Variants in CUX2 observed in about 807,000 individuals in gnomAD.
CUX2 encodes cut like homeobox 2, also known as homeobox protein cut-like 2.
Under a neutral mutation model 144.8 loss-of-function variants are expected in CUX2, and 40 were observed. The ratio of observed to expected loss-of-function variants is 0.28; its 90% CI spans 0.21 to 0.36. CUX2 has a LOEUF of 0.36. Ranked by LOEUF, CUX2 falls within the 10% of genes least tolerant of loss-of-function variation. The pLI is 1.00. For missense variants in CUX2, 1,615 were observed against 1,994.0 expected (o/e 0.81, Z 3.62); for synonymous variants, 827 against 875.6 (o/e 0.94, Z 0.98).
At position 111,347,880 on chromosome 12, in the gene CUX2, A is replaced by G; in HGVS notation, c.4016A>G (p.Asp1339Gly). The G allele has an allele frequency of 6.2e-7, 1 of 1,614,082 alleles. No homozygotes were observed. Among genetic ancestry groups the G allele is most frequent in the Non-Finnish European group, 8.5e-7 (1 of 1,180,008 alleles). The stretch of plus-strand genomic sequence containing the variant: ...GAGCATCCCGACCCTCCGGGTAATG[A>G]TGGACTCCCAAAAGTGGCTCCCGGG... ...KEEHPDPPGN[D>G]GLPKVAPGPL... The change falls in exon 22 of 22, where the codon GAT (aspartate) becomes GGT (glycine). Residue 1339 changes from aspartate (D) to glycine (G), a missense_variant. By Grantham distance (94) the Asp-to-Gly change is moderately conservative. Coordinates refer to ENST00000261726, the MANE Select transcript of CUX2 (RefSeq NM_015267.4).
At chr12:111,087,366 CAAAAAAA>C (rs1159500448) in intron 1 of CUX2, among the ~76,000 whole-genome samples, 32 of 45,042 alleles carry the variant, frequency 7.1e-4, no homozygotes, top group Non-Finnish European at 1.1e-3. Flanking sequence ...GACTCCATCT[CAAAAAAA>C]AAAAAAAAAA....
chr12:111,123,696 T>A (rs1874844835), intron 1 of CUX2, among the ~76,000 whole-genome samples: 1 of 151,764 alleles, frequency 6.6e-6, no homozygotes, highest in Non-Finnish European at 1.5e-5. Flanking sequence ...CCCCCACACC[T>A]AGCTAATTTT....
At chr12:111,042,905 G>A (rs1316761079) in intron 1 of CUX2, among the ~76,000 whole-genome samples, 2 of 151,838 alleles carry the variant, frequency 1.3e-5, no homozygotes, top group Non-Finnish European at 2.9e-5. Flanking sequence ...CAAAGTGCTG[G>A]GATTACAGGT....
At chr12:111,257,692 T>TCCCCTTCCTCCTC (rs1883909851) in intron 3 of CUX2, among the ~76,000 whole-genome samples, 1 of 113,078 alleles carries the variant, frequency 8.8e-6, no homozygotes, top group Admixed American at 9.6e-5. Flanking sequence ...CCCTCCTCCT[T>TCCCCTTCCTCCTC]CCCCTTCCTC....
chr12:111,097,729 G>C (rs1234808845), intron 1 of CUX2, among the ~76,000 whole-genome samples: 1 of 152,326 alleles, frequency 6.6e-6, no homozygotes, highest in South Asian at 2.1e-4. Context: ...TCAGGAGCCA[G>C]GGAGGATCCG....
At chr12:111,049,130 CATCT>C (rs552439067) in intron 1 of CUX2, among the ~76,000 whole-genome samples, 123 of 152,194 alleles carry the variant, frequency 8.1e-4, no homozygotes, top group African/African-American at 2.8e-3. Flanking sequence ...TGAATCCATC[CATCT>C]ATCCATCCAT....
rs748957015 is a variant in CUX2, at chr12:111,291,423, G to A, written c.307G>A (p.Val103Met). The A allele has an allele frequency of 8.1e-6, 13 of 1,609,450 alleles. No individual in the cohort carries two copies. The highest frequency in any genetic ancestry group is 1.7e-4 in the Middle Eastern group (1 of 5,726). The change falls in exon 5 of 22, where the codon GTG (valine) becomes ATG (methionine). Residue 103 changes from valine (V) to methionine (M), a missense_variant. Physicochemically the swap from Val to Met is conservative, Grantham distance 21 (BLOSUM62 1). Coordinates refer to ENST00000261726, the MANE Select transcript of CUX2 (RefSeq NM_015267.4). ...GTCTTTCTCTCCCTGCACAGACCCC[G>A]TGCCTGTGTTTGAGGCGGCACGCAG... Reference protein sequence around the residue: ...YKQLIEAPDPVPVFEAARSLD... With the variant: ...YKQLIEAPDPMPVFEAARSLD...
At chr12:111,132,641 AC>A (rs1875573890) in intron 1 of CUX2, among the ~76,000 whole-genome samples, 1 of 144,670 alleles carries the variant, frequency 6.9e-6, no homozygotes, top group African/African-American at 2.7e-5. Flanking sequence ...ATCTCAACTA[AC>A]CGCAACCTCT....
At chr12:111,152,023 A>G (rs1392568688) in intron 1 of CUX2, among the ~76,000 whole-genome samples, 1 of 152,126 alleles carries the variant, frequency 6.6e-6, no homozygotes, top group African/African-American at 2.4e-5. Context: ...GATGGCTCAC[A>G]CCTGTAACCC....
chr12:111,077,438 C>A lies in CUX2; in HGVS notation c.63+43198C>A, dbSNP rs555904471. On this transcript the variant is annotated intron_variant, in intron 1 of 21. Coordinates refer to ENST00000261726, the MANE Select transcript of CUX2 (RefSeq NM_015267.4). This position sits in a 1 kb window ranked among gnomAD's most constrained non-coding sequence, Gnocchi z 4.1. ...GACTTCTGCCCCCCTGGACTGATGG[C>A]CTAAATCCATCAGGCTCACCAGCCC... 9.2e-5 allele frequency among the ~76,000 whole-genome samples: 14 copies of A among 152,162 alleles called. No individual in the cohort carries two copies. Among genetic ancestry groups the A allele is most frequent in the Non-Finnish European group, 1.9e-4 (13 of 68,040 alleles).
intron 1 of CUX2, among the ~76,000 whole-genome samples, chr12:111,130,886 T>A (rs777259001): frequency 1.3e-5 from 2 of 152,254 alleles, no homozygotes; most frequent in African/African-American, 4.8e-5. Flanking sequence ...AATCTCTGCT[T>A]AGTATGCCTA....
intron 3 of CUX2, among the ~76,000 whole-genome samples, chr12:111,253,424 C>T (rs1488348920): frequency 3.3e-5 from 5 of 152,144 alleles, no homozygotes; most frequent in African/African-American, 1.2e-4. Flanking sequence ...TTGCACCTGC[C>T]GTTCTCGCTG....
intron 4 of CUX2, among the ~76,000 whole-genome samples, chr12:111,272,586 T>C (rs970853079): frequency 2.0e-5 from 3 of 152,140 alleles, no homozygotes; most frequent in Non-Finnish European, 2.9e-5. Context: ...TGCCTCAGCC[T>C]CCCGAGTAGC....
chr12:111,242,337 C>T (rs138904763), intron 3 of CUX2, among the ~76,000 whole-genome samples: 86 of 152,284 alleles, frequency 5.6e-4, no homozygotes, highest in African/African-American at 2.0e-3. Context: ...AATTATAGCC[C>T]GTGGGCCAAA....
rs1173643279 is a variant in CUX2, at chr12:111,322,387, C to G, written c.2767-34C>G. On this transcript the variant is annotated intron_variant, in intron 17 of 21. Coordinates refer to ENST00000261726, the MANE Select transcript of CUX2 (RefSeq NM_015267.4). The surrounding 1 kb of genome is among the most constrained non-coding windows in gnomAD (Gnocchi z 4.2). ...AGGGCCAGGCCCATGTCCCAGGGGC[C>G]TGCTGACCTACCCCCCTGGCCCGCC... The G allele has an allele frequency of 5.9e-6, 9 of 1,528,576 alleles. No homozygotes were observed. Among genetic ancestry groups the G allele is most frequent in the Non-Finnish European group, 7.0e-6 (8 of 1,135,526 alleles). The allele number at this position is 1,528,576 out of a possible 1,614,324, so 94.7% of individuals were successfully genotyped here. A position where few individuals can be genotyped will look rare whatever the true frequency, so the allele number is the denominator to read the frequency against.
intron 1 of CUX2, among the ~76,000 whole-genome samples, chr12:111,123,050 G>A (rs2136099047): frequency 6.6e-6 from 1 of 152,338 alleles, no homozygotes; most frequent in Non-Finnish European, 1.5e-5. Context: ...CAAGGTCTGG[G>A]AGTCCTGGCC....
Position 111,082,427 on chromosome 12 carries a change from T to C in CUX2, c.63+48187T>C, listed in dbSNP as rs1429825368. On this transcript the variant is annotated intron_variant, in intron 1 of 21. Coordinates refer to ENST00000261726, the MANE Select transcript of CUX2 (RefSeq NM_015267.4). ...TGCCACTTTAGTGGGAAGAGGGATT[T>C]GAATTAATTTCACACCTCTTGAATG... Among the ~76,000 whole-genome samples the C allele has an allele frequency of 3.9e-5, 6 of 152,320 alleles. No individual in the cohort carries two copies. The East Asian group carries it at 1.2e-3, about 29-fold the overall frequency.
intron 3 of CUX2, among the ~76,000 whole-genome samples, chr12:111,227,239 C>T (rs1199964659): frequency 1.3e-5 from 2 of 152,164 alleles, no homozygotes; most frequent in Non-Finnish European, 2.9e-5. Flanking sequence ...GTGTCAGGAG[C>T]GGCACTGAAT....
intron 18 of CUX2, among the ~76,000 whole-genome samples, chr12:111,328,632 C>T (rs935175522): frequency 6.8e-6 from 1 of 147,018 alleles, no homozygotes; most frequent in African/African-American, 2.5e-5. Flanking sequence ...CAGAGTCTCA[C>T]TCTGTCGCCC....
Sources: gnomAD v4.1 joint callset for allele counts (sites outside exome capture counted in the v4.1 genomes callset) on GRCh38, gnomAD v4.1.1 for gene constraint, Gnocchi (gnomAD v3.1) non-coding constraint, MANE v1.5 for transcripts, NCBI Gene and HGNC (gene_info 2026-07-23, HGNC 2026-07-21) for gene names.